The following GPC1 variants were observed in gnomAD, a reference collection of about 807,000 sequenced individuals.
GPC1 encodes glypican 1, also known as glypican-1.
Under a neutral mutation model 51.5 loss-of-function variants are expected in GPC1, and 26 were observed. The observed-to-expected ratio is 0.50, with a 90% CI of 0.37 to 0.70. The LOEUF (loss-of-function observed/expected upper bound fraction) is 0.70. GPC1 is among the 30% of genes least tolerant of loss of function. The pLI is 0.00. For synonymous variants in GPC1, 380 were observed against 348.3 expected, an observed-to-expected ratio of 1.09 and a Z score of -1.01; for missense variants, 775 against 800.5, an observed-to-expected ratio of 0.97 and a Z score of 0.38.
At chr2:240,459,275 G>C (rs1448675014) in intron 2 of GPC1, 87 bp downstream of exon 2, 1 of 1,270,060 alleles carries the variant, frequency 7.9e-7, no homozygotes, top group African/African-American at 1.5e-5. Flanking sequence ...GTGTGTCAAT[G>C]CCAAGGGTGG....
In GPC1 at chr2:240,435,916, G is replaced by T; in HGVS notation, c.-3G>T. 8.0e-7 allele frequency: 1 copy of T among 1,243,696 alleles called. No individual in the cohort carries two copies. Among genetic ancestry groups the T allele is most frequent in the Non-Finnish European group, 1.0e-6 (1 of 994,112 alleles). The allele number at this position is 1,243,696 out of a possible 1,614,324, so 77.0% of individuals were successfully genotyped here. On this transcript the variant is annotated 5_prime_UTR_variant, in exon 1 of 9. Transcript: ENST00000264039. ...GGTGGCCGGGGGCGCCGCCGGCCCC[G>T]CCATGGAGCTCCGGGCCCGAGGCTG...
chr2:240,460,482 C>T (rs2074207036), intron 2 of GPC1, among the ~76,000 whole-genome samples: 1 of 152,196 alleles, frequency 6.6e-6, no homozygotes. Flanking sequence ...TGCCACCCAG[C>T]CCTGCCCCTT....
chr2:240,455,840 G>A (rs747512215), intron 1 of GPC1, among the ~76,000 whole-genome samples: 10 of 152,180 alleles, frequency 6.6e-5, no homozygotes, highest in Admixed American at 1.3e-4. Flanking sequence ...CCCGGCCTGC[G>A]CCGGGCCGGA....
rs891434459 is a variant in GPC1, at chr2:240,453,076, C to A, written c.167-5954C>A. The A allele has an allele frequency of 6.8e-5, 21 of 309,586 alleles. 1 individual carries two copies. The Admixed American group carries it at 1.0e-3, about 15-fold the overall frequency. The allele number at this position is 309,586 out of a possible 1,614,324, so 19.2% of individuals were successfully genotyped here. The stretch of plus-strand genomic sequence containing the variant: ...CCAGGCCCGAGGACCTCTCCCGCAG[C>A]GCCACCGTACCCGCATCCGCAGGCG... On this transcript the variant is annotated intron_variant, in intron 1 of 8. Coordinates refer to ENST00000264039, the MANE Select transcript of GPC1 (RefSeq NM_002081.3).
intron 1 of GPC1, among the ~76,000 whole-genome samples, chr2:240,454,176 A>C (rs1435026434): frequency 1.3e-5 from 2 of 152,014 alleles, no homozygotes; most frequent in African/African-American, 4.8e-5. Context: ...TGGCCGGTCC[A>C]CCTCGCAGGT....
In GPC1 at chr2:240,462,225, G is replaced by A; in HGVS notation, c.360G>A (p.Arg120=). 6.2e-7 allele frequency: 1 copy of A among 1,608,820 alleles called. No individual in the cohort carries two copies. The highest frequency in any genetic ancestry group is 8.5e-7 in the Non-Finnish European group (1 of 1,177,446). ...AGCACCTGCTGAACGACTCGGAGCGGACGCTGCAGGCCACCTTCCCCGGCG... is the reference window on the plus strand; with the variant it reads ...AGCACCTGCTGAACGACTCGGAGCGAACGCTGCAGGCCACCTTCCCCGGCG... ...HFQHLLNDSE[R]TLQATFPGAF... Residue 120 remains arginine (R), a synonymous_variant, in exon 3 of 9, where the codon CGG becomes CGA. Coordinates refer to ENST00000264039, the MANE Select transcript of GPC1 (RefSeq NM_002081.3).
chr2:240,462,638 C>T (rs1329728657), intron 3 of GPC1, 56 bp downstream of exon 3: 1 of 1,440,862 alleles, frequency 6.9e-7, no homozygotes, highest in African/African-American at 1.4e-5. Context: ...ATGCTCTGCC[C>T]AAGGGACTTC....
At position 240,466,230 on chromosome 2, in the gene GPC1, C is replaced by G; in HGVS notation, c.1617C>G (p.Thr539=). 3.1e-6 allele frequency: 5 copies of G among 1,612,628 alleles called. No individual in the cohort carries two copies. Among genetic ancestry groups the G allele is most frequent in the Non-Finnish European group, 4.2e-6 (5 of 1,179,128 alleles). ...TSAASCPQPP[T]FLLPLLLFLA... ...CTGCCAGCTGCCCCCAGCCCCCGAC[C>G]TTCCTCCTGCCCCTCCTCCTCTTCC... Residue 539 remains threonine, a synonymous_variant, in exon 9 of 9, where the codon ACC becomes ACG. Coordinates refer to ENST00000264039, the MANE Select transcript of GPC1 (RefSeq NM_002081.3).
At position 240,459,077 on chromosome 2, in the gene GPC1, G is replaced by T; in HGVS notation, c.214G>T (p.Glu72Ter). ...CPQGYTCCTS[E>*]MEENLANRSH... is the part of the protein sequence containing the mutation. ...CCAGGGCTACACCTGCTGCACCAGC[G>T]AGATGGAGGAGAACCTGGCCAACCG... The change falls in exon 2 of 9, where the codon GAG (glutamate) becomes TAG (stop). Residue 72 changes from glutamate to a stop codon, truncating the protein, a stop_gained. Transcript: ENST00000264039. LOFTEE classifies it high-confidence loss of function. 1.2e-6 allele frequency: 2 copies of T among 1,612,858 alleles called. No individual in the cohort carries two copies. The highest frequency in any genetic ancestry group is 2.7e-5 in the African/African-American group (2 of 75,054).
Position 240,459,779 on chromosome 2 carries a change from G to A in GPC1, c.325+591G>A, listed in dbSNP as rs1039141246. On this transcript the variant is annotated intron_variant, in intron 2 of 8. Transcript: ENST00000264039. ...TTAGAGCCACGTACTCCTCGGCCCA[G>A]GCTGGGCCTCGCCTTGTGTCTGGGC... Among the ~76,000 whole-genome samples the A allele has an allele frequency of 4.6e-5, 7 of 152,294 alleles. 1 individual carries two copies. The highest frequency in any genetic ancestry group is 1.9e-4 in the East Asian group (1 of 5,180).
At chr2:240,450,683 G>C (rs766966623) in intron 1 of GPC1, 25 of 468,952 alleles carry the variant, frequency 5.3e-5, no homozygotes, top group Non-Finnish European at 1.1e-4. Context: ...GTGCTGGCTT[G>C]GGGGGGTGTG....
At chr2:240,465,911 CAG>C (rs1186909064) in intron 8 of GPC1, 145 bp from the exon 9 acceptor site, 7 of 627,628 alleles carry the variant, frequency 1.1e-5, no homozygotes, top group African/African-American at 5.5e-5. Context: ...CTCCCAGCCT[CAG>C]GGGTCAGCGG....
intron 1 of GPC1, among the ~76,000 whole-genome samples, chr2:240,437,445 A>G (rs2151784309): frequency 6.6e-6 from 1 of 151,924 alleles, no homozygotes; most frequent in East Asian, 1.9e-4. Context: ...GGATCTCCCG[A>G]TGCCCTCCCC....
chr2:240,458,733 C>G (rs2352827), intron 1 of GPC1: 2 of 379,304 alleles, frequency 5.3e-6, no homozygotes, highest in African/African-American at 4.1e-5. Flanking sequence ...CAGTTCTTTG[C>G]TTGCAGCTGC....
At chr2:240,462,086 G>T in intron 2 of GPC1, 105 bp from the exon 3 acceptor site, 1 of 1,158,094 alleles carries the variant, frequency 8.6e-7, no homozygotes, top group Non-Finnish European at 1.2e-6. Flanking sequence ...GAGGTCCTCA[G>T]AGTGTATCCT....
chr2:240,465,712 G>T, intron 8 of GPC1, 64 bp downstream of exon 8: 1 of 1,424,824 alleles, frequency 7.0e-7, no homozygotes. Context: ...ACAGGGGTGT[G>T]ACTGCCCTCC....
chr2:240,453,665 C>A (rs577678380), intron 1 of GPC1, among the ~76,000 whole-genome samples: 1 of 150,572 alleles, frequency 6.6e-6, no homozygotes, highest in Non-Finnish European at 1.5e-5. Flanking sequence ...CTTCCCTCCC[C>A]GCCGCGCCCA....
chr2:240,465,783 G>C (rs1254157520), intron 8 of GPC1, 135 bp downstream of exon 8: 2 of 759,478 alleles, frequency 2.6e-6, no homozygotes, highest in Admixed American at 2.5e-5. Flanking sequence ...TGAGGACGCT[G>C]TGCTGCCCAG....
In GPC1 at chr2:240,467,398, A is replaced by C. The variant is rs2074272996; in HGVS notation, c.*1108A>C. ...TTACTGACACTTCCTGTCCTTGTTC[A>C]TGGAGAGCTGTTCGCTCCTCCCAGA... On this transcript the variant is annotated 3_prime_UTR_variant, in exon 9 of 9. Transcript: ENST00000264039. 6.6e-6 allele frequency: 1 copy of C among 152,246 alleles called. No individual in the cohort carries two copies. Among genetic ancestry groups the C allele is most frequent in the Non-Finnish European group, 1.5e-5 (1 of 68,052 alleles). The allele number at this position is 152,246 out of a possible 1,614,324, so 9.4% of individuals were successfully genotyped here. A position where few individuals can be genotyped will look rare whatever the true frequency, so the allele number is the denominator to read the frequency against.
Sources: gnomAD v4.1 joint callset for allele counts (sites outside exome capture counted in the v4.1 genomes callset) on GRCh38, gnomAD v4.1.1 for gene constraint, MANE v1.5 for transcripts, NCBI Gene and HGNC (gene_info 2026-07-23, HGNC 2026-07-21) for gene names.